Variants in SFMBT2 observed in about 807,000 individuals in gnomAD.
SFMBT2 encodes the protein scm-like with four MBT domains protein 2.
SFMBT2 carries 38 observed loss-of-function variants against 110.1 expected under a neutral mutation model. The ratio of observed to expected loss-of-function variants is 0.35; its 90% CI spans 0.27 to 0.45. The LOEUF (loss-of-function observed/expected upper bound fraction) is 0.45. Ranked by LOEUF, SFMBT2 falls within the 20% of genes least tolerant of loss-of-function variation. The probability of loss-of-function intolerance (pLI) is 1.00; values close to 1 mark genes in which losing one functional copy is unlikely to be tolerated. For missense variants in SFMBT2, 1,011 were observed against 1,094.9 expected (o/e 0.92, Z 1.08); for synonymous variants, 425 against 425.4 (o/e 1.00, Z 0.01).
intron 1 of SFMBT2, among the ~76,000 whole-genome samples, chr10:7,384,479 G>A (rs1588500229): frequency 3.2e-4 from 6 of 19,026 alleles, no homozygotes; most frequent in Admixed American, 1.3e-3. Context: ...TTTAAATAGT[G>A]AAATCCTTTT....
At chr10:7,333,605 G>A (rs1010592901) in intron 4 of SFMBT2, among the ~76,000 whole-genome samples, 6 of 150,792 alleles carry the variant, frequency 4.0e-5, no homozygotes, top group African/African-American at 7.3e-5. Flanking sequence ...ATTTTCTCAC[G>A]CTGCTAATAA....
intron 10 of SFMBT2, among the ~76,000 whole-genome samples, chr10:7,221,359 G>C (rs1428268165): frequency 6.6e-6 from 1 of 151,908 alleles, no homozygotes; most frequent in Non-Finnish European, 1.5e-5. Flanking sequence ...TTGAGGTCAG[G>C]AGTTCAAGAC....
chr10:7,410,638 C>T (rs1846348786), intron 1 of SFMBT2, among the ~76,000 whole-genome samples: 1 of 152,170 alleles, frequency 6.6e-6, no homozygotes, highest in South Asian at 2.1e-4. Context: ...AGTGCAGTCG[C>T]TTTCTTCTCC....
rs56402297 is a variant in SFMBT2 at position 7,408,267 on chromosome 10, G to A, written c.-52+2594C>T. 0.019 allele frequency among the ~76,000 whole-genome samples: 2,833 copies of A among 152,336 alleles called. 42 individuals carry two copies. The highest frequency in any genetic ancestry group is 0.027 in the Non-Finnish European group (1,827 of 68,034). On this transcript the variant is annotated intron_variant, in intron 1 of 20. Coordinates refer to ENST00000397167, the MANE Select transcript of SFMBT2 (RefSeq NM_001387889.1). This position sits in a 1 kb window ranked among gnomAD's most constrained non-coding sequence, Gnocchi z 5.7. Reference sequence around the variant, plus strand: ...CCAAACGCAGGCTGGAGGAGCCACGGACGCGTCCTGGCCGGCGTGTCGCCA... The same window carrying A: ...CCAAACGCAGGCTGGAGGAGCCACGAACGCGTCCTGGCCGGCGTGTCGCCA...
At chr10:7,297,699 A>C (rs1026995429) in intron 4 of SFMBT2, among the ~76,000 whole-genome samples, 41 of 152,348 alleles carry the variant, frequency 2.7e-4, no homozygotes, top group African/African-American at 9.4e-4. Context: ...TTGAAACAAA[A>C]GCTAAACAGT....
At chr10:7,204,467 T>A in intron 12 of SFMBT2, 3 of 984,636 alleles carry the variant, frequency 3.0e-6, no homozygotes, top group Non-Finnish European at 3.6e-6. Context: ...TAAGGACTCA[T>A]CATTTTAAAT....
At chr10:7,206,793 C>T (rs1333445363) in intron 11 of SFMBT2, 11 of 896,992 alleles carry the variant, frequency 1.2e-5, no homozygotes, top group Non-Finnish European at 1.2e-5. Flanking sequence ...GAAGAAAATT[C>T]GACACCAAAT....
chr10:7,188,693 C>T lies in SFMBT2; in HGVS notation c.1739G>A (p.Arg580Lys), dbSNP rs1273558548. Residue 580 changes from arginine (R) to lysine (K), a missense_variant, in exon 16 of 21, where the codon AGG (arginine) becomes AAG (lysine). Coordinates refer to ENST00000397167, the MANE Select transcript of SFMBT2 (RefSeq NM_001387889.1). ...MIINAAYKPGRVLRELQLVED... is the reference protein window; with the variant it reads ...MIINAAYKPGKVLRELQLVED... ...TACCAGCTGTAATTCTCTTAATACC[C>T]TTCCAGGCTTGTAGGCTGCGTTGAT... is the stretch of plus-strand genomic sequence containing the variant. 1.2e-6 allele frequency: 2 copies of T among 1,613,552 alleles called. No individual in the cohort carries two copies. The highest frequency in any genetic ancestry group is 2.2e-5 in the South Asian group (2 of 90,912).
At chr10:7,229,614 GA>G (rs1414914574) in intron 9 of SFMBT2, among the ~76,000 whole-genome samples, 1 of 146,930 alleles carries the variant, frequency 6.8e-6, no homozygotes, top group African/African-American at 2.5e-5. Context: ...AAAAAAGAAA[GA>G]AAGAAACTCA....
chr10:7,165,851 C>T (rs9423771), intron 20 of SFMBT2, among the ~76,000 whole-genome samples: 42,686 of 152,196 alleles, frequency 0.28, 6,871 homozygotes, highest in South Asian at 0.47. Context: ...AGGCTGATTG[C>T]AGCTGGGGGG....
rs140331155 is a variant in SFMBT2, at chr10:7,223,364, T to A, written c.1204-2827A>T. Among the ~76,000 whole-genome samples, 3 of 152,202 alleles carry A rather than the reference T, an allele frequency of 2.0e-5. No individual in the cohort carries two copies. In the South Asian group the frequency reaches 6.2e-4, roughly 32 times the overall value. On this transcript the variant is annotated intron_variant, in intron 10 of 20. Coordinates refer to ENST00000397167, the MANE Select transcript of SFMBT2 (RefSeq NM_001387889.1). ...AGTGGTGTCTCACGGTGGTGTTAGC[T>A]TGCATTTGCCCTGCTGACTACTGAT...
chr10:7,188,426 TA>T (rs1838490146), intron 16 of SFMBT2, among the ~76,000 whole-genome samples, 197 bp downstream of exon 16: 1 of 152,210 alleles, frequency 6.6e-6, no homozygotes, highest in Admixed American at 6.5e-5. Context: ...TACTTCACCT[TA>T]GGAATCCTAA....
intron 2 of SFMBT2, chr10:7,370,764 G>T: frequency 1.1e-6 from 1 of 926,624 alleles, no homozygotes; most frequent in Non-Finnish European, 1.3e-6. Context: ...AGCAAGGGCT[G>T]TGATGTAGGC....
At chr10:7,348,804 G>T (rs1844204120) in intron 4 of SFMBT2, among the ~76,000 whole-genome samples, 1 of 152,150 alleles carries the variant, frequency 6.6e-6, no homozygotes, top group South Asian at 2.1e-4. Flanking sequence ...ACGCTGTTTG[G>T]CTTGGATATA....
intron 15 of SFMBT2, among the ~76,000 whole-genome samples, chr10:7,192,518 A>G (rs984753921): frequency 6.6e-6 from 1 of 152,230 alleles, no homozygotes; most frequent in Non-Finnish European, 1.5e-5. Context: ...TGTGAGTGAT[A>G]GCCCAGGACA....
At chr10:7,254,260 A>G (rs1390066699) in intron 7 of SFMBT2, among the ~76,000 whole-genome samples, 2 of 152,174 alleles carry the variant, frequency 1.3e-5, no homozygotes, top group East Asian at 1.9e-4. Context: ...CATTCATCCA[A>G]TAAGCACTGA....
intron 1 of SFMBT2, among the ~76,000 whole-genome samples, chr10:7,395,823 C>T (rs1845910099): frequency 6.6e-6 from 1 of 151,478 alleles, no homozygotes; most frequent in African/African-American, 2.4e-5. Context: ...ATTTTCTTCT[C>T]TCCTTCATAG....
intron 1 of SFMBT2, among the ~76,000 whole-genome samples, chr10:7,403,606 C>CA (rs1400829923): frequency 6.6e-6 from 1 of 152,208 alleles, no homozygotes; most frequent in Non-Finnish European, 1.5e-5. Flanking sequence ...CGCAGCACTG[C>CA]ACTCCAGCCT....
At chr10:7,362,683 G>A (rs901820399) in intron 4 of SFMBT2, among the ~76,000 whole-genome samples, 3 of 152,252 alleles carry the variant, frequency 2.0e-5, no homozygotes, top group Non-Finnish European at 2.9e-5. Flanking sequence ...AGCTTCCGCT[G>A]ATTACTCAGC....
Sources: allele counts gnomAD v4.1 joint callset (sites outside exome capture counted in the v4.1 genomes callset), GRCh38; gene constraint gnomAD v4.1.1; non-coding constraint Gnocchi (gnomAD v3.1); transcripts MANE v1.5; gene names NCBI Gene and HGNC (gene_info 2026-07-23, HGNC 2026-07-21).